Variants in CDH9 observed in about 807,000 individuals in gnomAD.
CDH9 encodes the protein cadherin-9.
Under a neutral mutation model 70.9 loss-of-function variants are expected in CDH9, and 28 were observed. The ratio of observed to expected loss-of-function variants is 0.40; its 90% CI spans 0.29 to 0.54. CDH9 has a LOEUF of 0.54. Ranked by LOEUF, CDH9 falls within the 20% of genes least tolerant of loss-of-function variation. The pLI, the probability that CDH9 is intolerant of heterozygous loss-of-function variation, is 0.59. For synonymous variants in CDH9, 409 were observed against 343.1 expected (o/e 1.19, Z -2.12); for missense variants, 874 against 984.4 (o/e 0.89, Z 1.50).
At chr5:26,909,582 T>C (rs529020653) in intron 3 of CDH9, among the ~76,000 whole-genome samples, 2 of 151,224 alleles carry the variant, frequency 1.3e-5, no homozygotes. Flanking sequence ...CATGTGCACA[T>C]TGTGCAGGTT....
chr5:26,881,522 C>G lies in CDH9; in HGVS notation c.1984G>C (p.Glu662Gln). The part of the protein sequence containing the change: ...VRDNIVTYND[E>Q]GGGEEDTQAF... ...TGGGTATCTTCTTCCCCGCCGCCTT[C>G]ATCGTTGTAGGTCACAATGTTGTCC... Residue 662 changes from glutamate to glutamine, a missense_variant, in exon 12 of 12, where the codon GAA (glutamate) becomes CAA (glutamine). By Grantham distance (29) the Glu-to-Gln change is conservative. Transcript: ENST00000231021. 1 of 1,613,786 alleles carries G rather than the reference C, an allele frequency of 6.2e-7. No homozygotes were observed. Among genetic ancestry groups the G allele is most frequent in the Non-Finnish European group, 8.5e-7 (1 of 1,179,816 alleles).
intron 7 of CDH9, among the ~76,000 whole-genome samples, chr5:26,896,480 A>AT (rs1384385375): frequency 6.6e-6 from 1 of 151,460 alleles, no homozygotes; most frequent in Non-Finnish European, 1.5e-5. Flanking sequence ...AATAGTATGA[A>AT]ATGAAATGAA....
At chr5:26,943,987 T>A (rs1226726473) in intron 2 of CDH9, among the ~76,000 whole-genome samples, 1 of 152,200 alleles carries the variant, frequency 6.6e-6, no homozygotes. Context: ...TTATTATATT[T>A]CTAATTATTC....
chr5:27,034,659 G>C (rs190505769), intron 1 of CDH9, among the ~76,000 whole-genome samples: 2 of 151,540 alleles, frequency 1.3e-5, no homozygotes, highest in African/African-American at 4.8e-5. Flanking sequence ...TAGCCAATGA[G>C]ATCCATTATA....
intron 2 of CDH9, among the ~76,000 whole-genome samples, chr5:26,918,668 G>A (rs1160179592): frequency 2.0e-5 from 3 of 152,174 alleles, no homozygotes; most frequent in Non-Finnish European, 4.4e-5. Context: ...AAAGTCCTGA[G>A]TACAAAATAA....
intron 3 of CDH9, among the ~76,000 whole-genome samples, 184 bp downstream of exon 3, chr5:26,915,446 C>T (rs558331773): frequency 1.3e-5 from 2 of 151,766 alleles, no homozygotes; most frequent in African/African-American, 4.8e-5. Context: ...ATATAAATTA[C>T]AACATAACAG....
chr5:27,013,836 G>A (rs1390860596), intron 1 of CDH9, among the ~76,000 whole-genome samples: 1 of 151,886 alleles, frequency 6.6e-6, no homozygotes, highest in African/African-American at 2.4e-5. Context: ...ACTCGAGGAA[G>A]GTCCTGTTAT....
chr5:26,909,388 T>C (rs1165472206), intron 3 of CDH9, among the ~76,000 whole-genome samples: 1 of 152,060 alleles, frequency 6.6e-6, no homozygotes, highest in Admixed American at 6.5e-5. Context: ...ATAATTTTTA[T>C]TTGTTCTTTA....
intron 1 of CDH9, among the ~76,000 whole-genome samples, chr5:27,027,359 T>C (rs1315974985): frequency 6.6e-6 from 1 of 152,040 alleles, no homozygotes; most frequent in Non-Finnish European, 1.5e-5. Flanking sequence ...AATTAATCAT[T>C]AAATTAATCT....
chr5:26,985,308 A>G (rs968357398), intron 2 of CDH9, among the ~76,000 whole-genome samples: 1 of 152,064 alleles, frequency 6.6e-6, no homozygotes, highest in Non-Finnish European at 1.5e-5. Context: ...CTTAGAAAAG[A>G]CCAGAAATTT....
At chr5:26,990,877 A>C (rs1324615267) in intron 1 of CDH9, among the ~76,000 whole-genome samples, 1 of 152,196 alleles carries the variant, frequency 6.6e-6, no homozygotes, top group Non-Finnish European at 1.5e-5. Context: ...TCCTGGGGTC[A>C]GTTCTAACTA....
chr5:26,923,584 A>T (rs969607616), intron 2 of CDH9, among the ~76,000 whole-genome samples: 10 of 152,072 alleles, frequency 6.6e-5, no homozygotes, highest in African/African-American at 2.4e-4. Flanking sequence ...GACACAGTCA[A>T]TATTTACAGA....
At chr5:26,943,809 G>A (rs1488684889) in intron 2 of CDH9, among the ~76,000 whole-genome samples, 1 of 152,136 alleles carries the variant, frequency 6.6e-6, no homozygotes, top group Non-Finnish European at 1.5e-5. Context: ...CCATTTAAGT[G>A]ACAATTAAGT....
intron 7 of CDH9, among the ~76,000 whole-genome samples, chr5:26,892,749 G>C (rs576711092): frequency 2.0e-5 from 3 of 151,234 alleles, no homozygotes; most frequent in African/African-American, 7.3e-5. Context: ...TTCTTTTTTT[G>C]AGACTGAGTC....
chr5:26,936,362 T>C (rs994572270), intron 2 of CDH9, among the ~76,000 whole-genome samples: 7 of 152,056 alleles, frequency 4.6e-5, no homozygotes, highest in Admixed American at 2.6e-4. Flanking sequence ...TACTTAGGTA[T>C]AAATTTAGCA....
chr5:26,967,655 A>G (rs906382064), intron 2 of CDH9, among the ~76,000 whole-genome samples: 3 of 152,168 alleles, frequency 2.0e-5, no homozygotes, highest in East Asian at 1.9e-4. Context: ...AGATGTACTC[A>G]CAACATCCTA....
At chr5:26,902,754 A>G (rs1310743715) in intron 6 of CDH9, 25 bp from the exon 7 acceptor site, 4 of 1,365,862 alleles carry the variant, frequency 2.9e-6, no homozygotes, top group Non-Finnish European at 4.1e-6. Context: ...CATAAAAGAA[A>G]TTAGCATAAT....
intron 2 of CDH9, among the ~76,000 whole-genome samples, chr5:26,941,062 C>G (rs1034292452): frequency 2.6e-5 from 4 of 152,230 alleles, no homozygotes; most frequent in African/African-American, 9.6e-5. Flanking sequence ...CTTCCACCAA[C>G]TCACATAAAC....
At position 26,885,603 on chromosome 5, in the gene CDH9, G is replaced by T. The variant is rs776466510; in HGVS notation, c.1882+11C>A. ...GTGAGTTAAAGGATCATTCAGAGGG[G>T]CAGAGCTTACTAAGCAGTATGAGGA... On this transcript the variant is annotated intron_variant, in intron 11 of 11. Coordinates refer to ENST00000231021, the MANE Select transcript of CDH9 (RefSeq NM_016279.4). 6.2e-7 allele frequency: 1 copy of T among 1,610,972 alleles called. No individual in the cohort carries two copies. Among genetic ancestry groups the T allele is most frequent in the Non-Finnish European group, 8.5e-7 (1 of 1,178,406 alleles).
Sources: allele counts gnomAD v4.1 joint callset (sites outside exome capture counted in the v4.1 genomes callset), GRCh38; gene constraint gnomAD v4.1.1; transcripts MANE v1.5; gene names NCBI Gene and HGNC (gene_info 2026-07-23, HGNC 2026-07-21).